The following ASAP1 variants were observed in gnomAD, a reference collection of about 807,000 sequenced individuals.
The protein encoded by ASAP1 is arf-GAP with SH3 domain, ANK repeat and PH domain-containing protein 1.
A neutral mutation model predicts 145.2 loss-of-function variants in ASAP1; 43 were observed. The observed-to-expected ratio is 0.30, with a 90% CI of 0.23 to 0.38. The LOEUF (loss-of-function observed/expected upper bound fraction) is 0.38, where lower values mean the gene tolerates loss of function less well. ASAP1 is among the 10% of genes least tolerant of loss of function. The pLI is 1.00. For missense variants in ASAP1, 1,018 were observed against 1,355.3 expected (o/e 0.75, Z 3.91); for synonymous variants, 546 against 515.5 (o/e 1.06, Z -0.80).
At chr8:130,111,210 C>CA (rs768575084) in intron 24 of ASAP1, among the ~76,000 whole-genome samples, 5,615 of 41,656 alleles carry the variant, frequency 0.13, 986 homozygotes, top group African/African-American at 0.16. Context: ...TCATCTCTAC[C>CA]AAAAAAAAAA....
chr8:130,414,350 A>C (rs2138661089), intron 1 of ASAP1, among the ~76,000 whole-genome samples: 1 of 152,346 alleles, frequency 6.6e-6, no homozygotes, highest in Middle Eastern at 3.4e-3. Context: ...CACCTATACA[A>C]ACAGGCAGAT....
At chr8:130,417,759 G>A (rs1016372359) in intron 1 of ASAP1, among the ~76,000 whole-genome samples, 1 of 152,190 alleles carries the variant, frequency 6.6e-6, no homozygotes, top group African/African-American at 2.4e-5. Flanking sequence ...TGTTGGCTCT[G>A]TATTTCTGTT....
At chr8:130,126,380 C>T (rs967472205) in intron 16 of ASAP1, among the ~76,000 whole-genome samples, 1 of 152,126 alleles carries the variant, frequency 6.6e-6, no homozygotes, top group Non-Finnish European at 1.5e-5. Flanking sequence ...CCCTCACTGC[C>T]ACTATCACCT....
At chr8:130,135,151 G>A (rs4733768) in intron 14 of ASAP1, among the ~76,000 whole-genome samples, 58,144 of 152,034 alleles carry the variant, frequency 0.38, 11,646 homozygotes, top group East Asian at 0.64. Flanking sequence ...AGGCTAGGCA[G>A]TCACACCCTT....
At chr8:130,329,745 C>G (rs1411001581) in intron 3 of ASAP1, among the ~76,000 whole-genome samples, 2 of 152,190 alleles carry the variant, frequency 1.3e-5, no homozygotes, top group Non-Finnish European at 2.9e-5. Context: ...TGCATTACTT[C>G]CAATAAAAAT....
chr8:130,271,095 G>T (rs146204991), intron 3 of ASAP1, among the ~76,000 whole-genome samples: 414 of 152,310 alleles, frequency 2.7e-3, no homozygotes, highest in African/African-American at 9.5e-3. Flanking sequence ...CTGCCGGGCT[G>T]CTCTGATTTG....
At chr8:130,072,826 C>CGCGCGCGT (rs1554816421) in intron 27 of ASAP1, among the ~76,000 whole-genome samples, 2 of 13,800 alleles carry the variant, frequency 1.4e-4, no homozygotes, top group African/African-American at 4.0e-4. Flanking sequence ...TGTGTGTGTG[C>CGCGCGCGT]GCGCGGGGGG....
chr8:130,414,753 A>G (rs574303247), intron 1 of ASAP1, among the ~76,000 whole-genome samples: 1 of 150,268 alleles, frequency 6.7e-6, no homozygotes, highest in Admixed American at 6.6e-5. Context: ...GTTCACTTCT[A>G]TAACTCTTTT....
chr8:130,083,257 T>G (rs905050411), intron 25 of ASAP1: 1 of 152,230 alleles, frequency 6.6e-6, no homozygotes, highest in Non-Finnish European at 1.5e-5. Context: ...TTTCCAAAGA[T>G]GGTGTGAGTT....
intron 3 of ASAP1, among the ~76,000 whole-genome samples, chr8:130,254,177 A>G (rs968894498): frequency 9.0e-4 from 137 of 152,358 alleles, no homozygotes; most frequent in African/African-American, 3.1e-3. Flanking sequence ...TTGTCTGTAC[A>G]AAGAGACAGC....
At chr8:130,233,303 C>G (rs1031861354) in intron 4 of ASAP1, among the ~76,000 whole-genome samples, 5 of 152,146 alleles carry the variant, frequency 3.3e-5, no homozygotes, top group African/African-American at 1.2e-4. Flanking sequence ...AGAGAGCTTC[C>G]CAGGTAGTAA....
intron 12 of ASAP1, among the ~76,000 whole-genome samples, chr8:130,157,503 C>T (rs1210821363): frequency 6.6e-6 from 1 of 152,160 alleles, no homozygotes; most frequent in Non-Finnish European, 1.5e-5. Flanking sequence ...TGTCTCTGTG[C>T]TTTCACCCTC....
chr8:130,204,200 T>C (rs745362651), intron 5 of ASAP1, among the ~76,000 whole-genome samples: 1 of 152,152 alleles, frequency 6.6e-6, no homozygotes, highest in Non-Finnish European at 1.5e-5. Context: ...GAACTGCATA[T>C]GCAAGGGATC....
In ASAP1 at chr8:130,162,662, C is replaced by G. The variant is rs1025029006; in HGVS notation, c.910-2698G>C. ...TGAAACCCCGTCTCTACTAAAAATA[C>G]AAAAAATTAGCCGGGCGTGGTGGCG... On this transcript the variant is annotated intron_variant, in intron 11 of 29. Coordinates refer to ENST00000518721, the MANE Select transcript of ASAP1 (RefSeq NM_018482.4). Among the ~76,000 whole-genome samples the G allele has an allele frequency of 2.0e-5, 3 of 151,758 alleles. No homozygotes were observed. In the East Asian group the frequency reaches 5.8e-4, roughly 29 times the overall value.
At position 130,112,230 on chromosome 8, in the gene ASAP1, T is replaced by C. The variant is rs369250753; in HGVS notation, c.2265A>G (p.Gly755=). The C allele has an allele frequency of 6.2e-7, 1 of 1,614,172 alleles. No homozygotes were observed. The highest frequency in any genetic ancestry group is 1.1e-5 in the South Asian group (1 of 91,078). ...ISPQDKLALP[G]FSTPRDKQRL... is the part of the protein sequence containing the mutation. ...GCTGTTTGTCCCTTGGAGTGCTGAA[T>C]CCTGGCAGTGCCAGCTTGTCCTGGG... is the stretch of plus-strand genomic sequence containing the variant. Residue 755 remains glycine, a synonymous_variant, in exon 24 of 30, where the codon GGA becomes GGG. Transcript: ENST00000518721.
At chr8:130,407,070 T>C (rs1442067687) in intron 1 of ASAP1, among the ~76,000 whole-genome samples, 2 of 152,118 alleles carry the variant, frequency 1.3e-5, no homozygotes, top group South Asian at 2.1e-4. Context: ...TAAGAGAACA[T>C]GATTAAAGCA....
intron 27 of ASAP1, among the ~76,000 whole-genome samples, chr8:130,061,589 TC>T (rs2135069051): frequency 6.6e-6 from 1 of 152,318 alleles, no homozygotes; most frequent in African/African-American, 2.4e-5. Flanking sequence ...TTATTATTTC[TC>T]CCCATTTTAC....
intron 8 of ASAP1, among the ~76,000 whole-genome samples, chr8:130,180,468 T>C (rs1413164093): frequency 1.3e-5 from 2 of 152,204 alleles, no homozygotes; most frequent in Non-Finnish European, 2.9e-5. Flanking sequence ...CTCTCACCAA[T>C]GTTTTCCTCC....
At position 130,420,469 on chromosome 8, in the gene ASAP1, G is replaced by A. The variant is rs995598088; in HGVS notation, c.-27-18499C>T. ...TACATTCAAATAAATACTTGTAAAT[G>A]AATGTTCATAGCAGCACTATTCACG... On this transcript the variant is annotated intron_variant, in intron 1 of 29. Coordinates refer to ENST00000518721, the MANE Select transcript of ASAP1 (RefSeq NM_018482.4). Among the ~76,000 whole-genome samples the A allele has an allele frequency of 3.3e-5, 5 of 152,086 alleles. No individual in the cohort carries two copies. The South Asian group carries it at 8.3e-4, about 25-fold the overall frequency.
Sources: allele counts gnomAD v4.1 joint callset (sites outside exome capture counted in the v4.1 genomes callset), GRCh38; gene constraint gnomAD v4.1.1; transcripts MANE v1.5; gene names NCBI Gene and HGNC (gene_info 2026-07-23, HGNC 2026-07-21).